XPOT: variants seen among roughly 807,000 people sequenced by gnomAD.
XPOT encodes the protein exportin-T.
Under a neutral mutation model 128.2 loss-of-function variants are expected in XPOT, and 34 were observed. The observed-to-expected ratio is 0.27, with a 90% CI of 0.20 to 0.35. XPOT has a LOEUF of 0.35. XPOT is among the 10% of genes least tolerant of loss of function. XPOT has a pLI of 1.00. For missense variants in XPOT, 838 were observed against 1,125.3 expected (o/e 0.74, Z 3.65); for synonymous variants, 348 against 394.3 (o/e 0.88, Z 1.39).
intron 2 of XPOT, among the ~76,000 whole-genome samples, chr12:64,410,904 C>T (rs2040032670): frequency 6.6e-6 from 1 of 152,090 alleles, no homozygotes; most frequent in Admixed American, 6.5e-5. Flanking sequence ...GAGGCATTTT[C>T]TTTTTACTTT....
At chr12:64,423,643 G>A (rs1056071457) in intron 11 of XPOT, among the ~76,000 whole-genome samples, 5 of 151,986 alleles carry the variant, frequency 3.3e-5, no homozygotes, top group Non-Finnish European at 5.9e-5. Flanking sequence ...TAGTAGAGAC[G>A]GGGTTTCGCC....
At position 64,434,821 on chromosome 12, in the gene XPOT, C is replaced by G. The variant is rs1375640046; in HGVS notation, c.2597C>G (p.Ala866Gly). 6.2e-7 allele frequency: 1 copy of G among 1,611,950 alleles called. No homozygotes were observed. The highest frequency in any genetic ancestry group is 8.5e-7 in the Non-Finnish European group (1 of 1,179,960). Reference sequence around the variant, plus strand: ...GGTAAAGATGGACCAGTGGGATTTGCTGATTTTGTTTATAAGCACATTGTC... The same window carrying G: ...GGTAAAGATGGACCAGTGGGATTTGGTGATTTTGTTTATAAGCACATTGTC... ...WGGKDGPVGF[A>G]DFVYKHIVPA... The change falls in exon 21 of 25, where the codon GCT (alanine) becomes GGT (glycine). Residue 866 changes from alanine (A) to glycine (G), a missense_variant. Ala to Gly is a moderately conservative substitution (Grantham distance 60, BLOSUM62 0). This residue lies in a region of XPOT where 21 missense variants were observed against 57.8 expected (regional missense o/e 0.36). Coordinates refer to ENST00000332707, the MANE Select transcript of XPOT (RefSeq NM_007235.6).
At chr12:64,436,531 G>A (rs908168050) in intron 22 of XPOT, among the ~76,000 whole-genome samples, 2 of 152,164 alleles carry the variant, frequency 1.3e-5, no homozygotes, top group African/African-American at 2.4e-5. Context: ...AAAGTGCTGA[G>A]ATAATAGGCG....
At chr12:64,438,202 G>A (rs914825055) in intron 22 of XPOT, among the ~76,000 whole-genome samples, 2 of 152,134 alleles carry the variant, frequency 1.3e-5, no homozygotes, top group African/African-American at 4.8e-5. Context: ...ATACAGAATT[G>A]AGTCAAACAA....
chr12:64,439,399 A>G, intron 23 of XPOT, 84 bp downstream of exon 23: 1 of 1,251,060 alleles, frequency 8.0e-7, no homozygotes, highest in Non-Finnish European at 1.2e-6. Flanking sequence ...AGCAGAAATC[A>G]AAAATATTTT....
chr12:64,433,457 T>C lies in XPOT; in HGVS notation c.2306T>C (p.Leu769Pro). The C allele has an allele frequency of 6.2e-7, 1 of 1,601,478 alleles. No individual in the cohort carries two copies. The highest frequency in any genetic ancestry group is 1.1e-5 in the South Asian group (1 of 89,746). Residue 769 changes from leucine (L) to proline (P), a missense_variant, in exon 19 of 25, where the codon CTT becomes CCT. This residue lies in a region of XPOT where 761 missense variants were observed against 988.3 expected (regional missense o/e 0.77). Coordinates refer to ENST00000332707, the MANE Select transcript of XPOT (RefSeq NM_007235.6). The part of the protein sequence containing the change: ...PFLQQMFMPL[L>P]HAIFEVLLRP... Reference sequence around the variant, plus strand: ...TTACAACAGATGTTCATGCCCCTGCTTCATGCAATTTTTGAAGTGCTGCTC... The same window carrying C: ...TTACAACAGATGTTCATGCCCCTGCCTCATGCAATTTTTGAAGTGCTGCTC...
At chr12:64,430,334 G>T in intron 17 of XPOT, 47 bp downstream of exon 17, 2 of 1,407,292 alleles carry the variant, frequency 1.4e-6, no homozygotes, top group South Asian at 3.0e-5. Flanking sequence ...TATCTACACA[G>T]ACAGAACCAC....
At chr12:64,436,278 C>T (rs1223685441) in intron 22 of XPOT, among the ~76,000 whole-genome samples, 1 of 150,706 alleles carries the variant, frequency 6.6e-6, no homozygotes, top group African/African-American at 2.4e-5. Context: ...TATTTATTTA[C>T]AGGGTCTCAC....
intron 24 of XPOT, among the ~76,000 whole-genome samples, chr12:64,445,431 A>G (rs1044297672): frequency 5.9e-5 from 9 of 152,268 alleles, no homozygotes; most frequent in Admixed American, 1.3e-4. Flanking sequence ...GGCTAAAAAT[A>G]TAAAAACAGA....
intron 23 of XPOT, chr12:64,442,890 G>A (rs2040337093): frequency 6.4e-6 from 1 of 155,186 alleles, no homozygotes. Flanking sequence ...CTGTCACCCA[G>A]GCTAGAGTGC....
intron 12 of XPOT, 84 bp from the exon 13 acceptor site, chr12:64,424,954 C>T (rs2040176521): frequency 2.0e-6 from 3 of 1,514,640 alleles, no homozygotes; most frequent in Admixed American, 3.9e-5. Context: ...ATTAAAAAGG[C>T]TTTTGTTGGT....
intron 23 of XPOT, among the ~76,000 whole-genome samples, chr12:64,442,127 TTTTC>T (rs980074128): frequency 3.3e-5 from 5 of 151,994 alleles, no homozygotes; most frequent in Non-Finnish European, 5.9e-5. Flanking sequence ...GTCGTCATCT[TTTTC>T]TTTCTTTTTG....
chr12:64,441,323 C>CA (rs1449258130), intron 23 of XPOT, among the ~76,000 whole-genome samples: 1 of 152,206 alleles, frequency 6.6e-6, no homozygotes. Flanking sequence ...TGTCCAGACT[C>CA]AAGTGCAGTG....
intron 1 of XPOT, chr12:64,405,394 T>C (rs1377736043): frequency 6.6e-6 from 1 of 152,070 alleles, no homozygotes; most frequent in Non-Finnish European, 1.5e-5. Flanking sequence ...GAGAGTTACG[T>C]TTTATTAAAC....
At position 64,420,397 on chromosome 12, in the gene XPOT, G is replaced by A. The variant is rs779466251; in HGVS notation, c.719G>A (p.Arg240Gln). 3.1e-6 allele frequency: 5 copies of A among 1,613,684 alleles called. No individual in the cohort carries two copies. Among genetic ancestry groups the A allele is most frequent in the East Asian group, 2.2e-5 (1 of 44,820 alleles). ...LLGHMSIEVL[R>Q]EEACDCLFEV... ...GGTCATATGTCAATAGAAGTTCTAC[G>A]GGAAGAAGCATGTGACTGTTTATTT... Residue 240 changes from arginine (R) to glutamine (Q), a missense_variant, in exon 8 of 25, where the codon CGG becomes CAG. Transcript: ENST00000332707.
intron 16 of XPOT, 29 bp from the exon 17 acceptor site, chr12:64,430,020 A>C (rs780028758): frequency 4.6e-6 from 7 of 1,518,788 alleles, no homozygotes; most frequent in Non-Finnish European, 6.2e-6. Context: ...AAAAAATAAA[A>C]GCTTTAATAA....
At chr12:64,416,427 C>CA (rs2040087854) in intron 3 of XPOT, among the ~76,000 whole-genome samples, 1 of 152,208 alleles carries the variant, frequency 6.6e-6, no homozygotes, top group Non-Finnish European at 1.5e-5. Context: ...TTGCTGCTTA[C>CA]AAAGCATTGT....
At chr12:64,447,403 A>T (rs903669413) in intron 24 of XPOT, among the ~76,000 whole-genome samples, 14 of 152,174 alleles carry the variant, frequency 9.2e-5, no homozygotes, top group African/African-American at 3.4e-4. Flanking sequence ...GTACTTTTGA[A>T]TCATCAAATA....
At chr12:64,420,797 T>TTTTTG (rs1405344987) in intron 8 of XPOT, among the ~76,000 whole-genome samples, 1 of 152,084 alleles carries the variant, frequency 6.6e-6, no homozygotes, top group Non-Finnish European at 1.5e-5. Context: ...GAATTGAGAT[T>TTTTTG]TTTTGTTTTG....
Sources: gnomAD v4.1 joint callset for allele counts (sites outside exome capture counted in the v4.1 genomes callset) on GRCh38, gnomAD v4.1.1 for gene constraint, gnomAD v4.1.1 regional missense constraint, MANE v1.5 for transcripts, NCBI Gene and HGNC (gene_info 2026-07-23, HGNC 2026-07-21) for gene names.